The following NLGN4X variants were observed in gnomAD, a reference collection of about 807,000 sequenced individuals.
NLGN4X encodes neuroligin-4, X-linked.
In NLGN4X, 3 loss-of-function variants were observed where a neutral mutation model predicts 40.3. That is an observed-to-expected ratio of 0.07 (90% CI 0.03 to 0.19). NLGN4X has a LOEUF of 0.19. NLGN4X is among the 10% of genes least tolerant of loss of function. NLGN4X has a pLI of 1.00. For synonymous variants in NLGN4X, 270 were observed against 306.8 expected, an observed-to-expected ratio of 0.88 and a Z score of 1.25; for missense variants, 382 against 708.3, an observed-to-expected ratio of 0.54 and a Z score of 5.23.
At chrX:6,102,735 T>C (rs1199849357) in intron 2 of NLGN4X, among the ~76,000 whole-genome samples, 1 of 110,976 alleles carries the variant, frequency 9.0e-6, no homozygotes, top group African/African-American at 3.3e-5. Flanking sequence ...TAGATCGATA[T>C]ATATATAGAT....
intron 1 of NLGN4X, among the ~76,000 whole-genome samples, chrX:6,175,474 T>G (rs921532919): frequency 9.1e-6 from 1 of 109,824 alleles, no homozygotes; most frequent in Non-Finnish European, 1.9e-5. Context: ...TTCCTTTTTA[T>G]CTGGCAAAGA....
chrX:5,961,060 C>G (rs897989710), intron 3 of NLGN4X, among the ~76,000 whole-genome samples: 9 of 110,456 alleles, frequency 8.1e-5, no homozygotes, highest in Admixed American at 2.9e-4. Flanking sequence ...CGGAGTCTCC[C>G]TCTGTCGCCC....
chrX:5,991,185 G>T (rs1317429995), intron 3 of NLGN4X, among the ~76,000 whole-genome samples: 1 of 110,857 alleles, frequency 9.0e-6, no homozygotes, highest in African/African-American at 3.3e-5. Flanking sequence ...AGATTCAAAT[G>T]TTTGAAGGTG....
At chrX:5,980,545 A>C (rs1601997325) in intron 3 of NLGN4X, among the ~76,000 whole-genome samples, 1 of 96,816 alleles carries the variant, frequency 1.0e-5, no homozygotes, top group African/African-American at 3.8e-5. Flanking sequence ...CTCACTTTTC[A>C]GTTGTTTTTT....
At chrX:5,914,529 A>G (rs929871640) in intron 3 of NLGN4X, among the ~76,000 whole-genome samples, 1 of 110,737 alleles carries the variant, frequency 9.0e-6, no homozygotes, top group African/African-American at 3.3e-5. Flanking sequence ...GAGATAATTA[A>G]GTGAATACAG....
intron 1 of NLGN4X, among the ~76,000 whole-genome samples, chrX:6,214,459 G>A (rs1412418782): frequency 9.0e-6 from 1 of 111,722 alleles, no homozygotes; most frequent in South Asian, 3.8e-4. Flanking sequence ...AGGCTCACCC[G>A]CAAAAGAGGG....
intron 3 of NLGN4X, among the ~76,000 whole-genome samples, chrX:5,945,999 C>T (rs1371834464): frequency 4.5e-5 from 5 of 111,705 alleles, no homozygotes; most frequent in African/African-American, 1.3e-4. Context: ...TCATTTAAAA[C>T]AATCTATCAC....
chrX:6,101,158 T>C lies in NLGN4X; in HGVS notation c.472+49837A>G, dbSNP rs186417756. 3.7e-4 allele frequency among the ~76,000 whole-genome samples: 42 copies of C among 112,262 alleles called. No homozygotes were observed. In the East Asian group the frequency reaches 5.9e-3, roughly 16 times the overall value. On this transcript the variant is annotated intron_variant, in intron 2 of 5. Coordinates refer to ENST00000381095, the MANE Select transcript of NLGN4X (RefSeq NM_181332.3). The stretch of plus-strand genomic sequence containing the variant: ...GTGAGGCCTCTCAGAAATGTAATCT[T>C]ACTTTAAAACTCAATATGACATTGG...
At chrX:6,151,895 T>C (rs1428647751) in intron 1 of NLGN4X, 124 bp from the exon 2 acceptor site, 1 of 196,843 alleles carries the variant, frequency 5.1e-6, no homozygotes, top group Non-Finnish European at 9.3e-6. Flanking sequence ...TGTATAGAAA[T>C]GTGTATAGTG....
At chrX:6,095,039 T>C (rs1246768611) in intron 2 of NLGN4X, among the ~76,000 whole-genome samples, 1 of 109,606 alleles carries the variant, frequency 9.1e-6, no homozygotes, top group African/African-American at 3.3e-5. Flanking sequence ...AAGAGTTCCA[T>C]GTGTACGAGC....
At chrX:6,146,799 T>G (rs925374773) in intron 2 of NLGN4X, among the ~76,000 whole-genome samples, 1 of 111,113 alleles carries the variant, frequency 9.0e-6, no homozygotes, top group Non-Finnish European at 1.9e-5. Context: ...TGCTTTGTTT[T>G]GTTTTGAGAG....
At chrX:6,080,174 G>GA (rs890313407) in intron 2 of NLGN4X, among the ~76,000 whole-genome samples, 4 of 110,140 alleles carry the variant, frequency 3.6e-5, no homozygotes, top group Non-Finnish European at 7.6e-5. Context: ...GCTGAAAGAG[G>GA]AAAAAAGGAA....
intron 3 of NLGN4X, chrX:5,991,292 G>T (rs1243806503): frequency 9.6e-6 from 3 of 313,228 alleles, no homozygotes; most frequent in African/African-American, 2.8e-5. Flanking sequence ...ATGAGACATT[G>T]TTCTTCTTAG....
intron 1 of NLGN4X, among the ~76,000 whole-genome samples, chrX:6,184,472 A>G (rs368311020): frequency 2.1e-4 from 23 of 108,492 alleles, no homozygotes; most frequent in African/African-American, 7.4e-4. Context: ...AGAAGACTTA[A>G]TTACAGATAA....
At position 6,175,624 on chromosome X, in the gene NLGN4X, A is replaced by G. The variant is rs573923740; in HGVS notation, c.-305-23853T>C. ...TTTGACAACCTACAGTTGTTTTTCA[A>G]CCCCTTCAAGTTATATCATTATCTA... On this transcript the variant is annotated intron_variant, in intron 1 of 5. Transcript: ENST00000381095. 9.1e-5 allele frequency among the ~76,000 whole-genome samples: 8 copies of G among 87,763 alleles called. 1 individual carries two copies. The highest frequency in any genetic ancestry group is 7.5e-4 in the Admixed American group (5 of 6,644). The allele number at this position is 87,763 out of a possible 115,157, so 76.2% of individuals were successfully genotyped here.
intron 2 of NLGN4X, among the ~76,000 whole-genome samples, chrX:6,113,566 A>G (rs2039201662): frequency 9.1e-6 from 1 of 110,495 alleles, no homozygotes; most frequent in South Asian, 3.8e-4. Flanking sequence ...AAAACTTACA[A>G]CATTGCAATA....
intron 4 of NLGN4X, among the ~76,000 whole-genome samples, chrX:5,905,328 T>C (rs763577467): frequency 5.4e-5 from 6 of 111,904 alleles, no homozygotes; most frequent in Non-Finnish European, 7.5e-5. Flanking sequence ...ATTCATACTT[T>C]AAACACAACT....
intron 3 of NLGN4X, among the ~76,000 whole-genome samples, chrX:5,944,383 A>G (rs2034053116): frequency 9.0e-6 from 1 of 110,951 alleles, no homozygotes; most frequent in African/African-American, 3.3e-5. Flanking sequence ...ATGGTGGCCC[A>G]TGTCTGTAAT....
chrX:6,144,340 T>A (rs2147673518), intron 2 of NLGN4X, among the ~76,000 whole-genome samples: 1 of 111,095 alleles, frequency 9.0e-6, no homozygotes, highest in South Asian at 3.9e-4. Flanking sequence ...GAACTTTTGT[T>A]TTCAGAGTAA....
Sources: gnomAD v4.1 joint callset for allele counts (sites outside exome capture counted in the v4.1 genomes callset) on GRCh38, gnomAD v4.1.1 for gene constraint, MANE v1.5 for transcripts, NCBI Gene and HGNC (gene_info 2026-07-23, HGNC 2026-07-21) for gene names.